TYW1B: variants seen among roughly 807,000 people sequenced by gnomAD.
TYW1B encodes the protein tRNA-yW synthesizing protein 1 homolog B, also known as S-adenosyl-L-methionine-dependent tRNA 4-demethylwyosine synthase TYW1B.
A neutral mutation model predicts 86.9 loss-of-function variants in TYW1B; 73 were observed. That is an observed-to-expected ratio of 0.84 (90% CI 0.70 to 1.02). The LOEUF is 1.02. TYW1B is among the 50% of genes least tolerant of loss of function. TYW1B has a pLI of 0.00. For missense variants in TYW1B, 637 were observed against 827.4 expected (o/e 0.77, Z 2.82); for synonymous variants, 248 against 292.8 (o/e 0.85, Z 1.56).
At chr7:72,720,601 C>T (rs1262722713) in intron 9 of TYW1B, among the ~76,000 whole-genome samples, 1 of 152,034 alleles carries the variant, frequency 6.6e-6, no homozygotes, top group Non-Finnish European at 1.5e-5. Context: ...TGGTTCTCTC[C>T]TTCCTAAGAG....
chr7:72,741,709 T>G (rs1286967403), intron 8 of TYW1B, among the ~76,000 whole-genome samples: 1 of 152,108 alleles, frequency 6.6e-6, no homozygotes, highest in African/African-American at 2.4e-5. Context: ...GCTGGAAGAA[T>G]AAGACAAAGA....
Position 72,575,383 on chromosome 7 carries a change from C to T in TYW1B, c.*115G>A. The T allele has an allele frequency of 1.4e-6, 2 of 1,468,994 alleles. No individual in the cohort carries two copies. Among genetic ancestry groups the T allele is most frequent in the South Asian group, 2.9e-5 (2 of 68,012 alleles). 91.0% of individuals were successfully genotyped at this position (1,468,994 alleles called of 1,614,324 possible). A position where few individuals can be genotyped will look rare whatever the true frequency, so the allele number is the denominator to read the frequency against. On this transcript the variant is annotated 3_prime_UTR_variant, in exon 14 of 14. Coordinates refer to ENST00000620995, the MANE Select transcript of TYW1B (RefSeq NM_001145440.3). ...CTCCATGTTTACTGCCTTATCGTCTCCTTTGTATGAAAGTATAATTTACGT... is the reference window on the plus strand; with the variant it reads ...CTCCATGTTTACTGCCTTATCGTCTTCTTTGTATGAAAGTATAATTTACGT...
At chr7:72,739,730 G>A (rs1340977456) in intron 8 of TYW1B, among the ~76,000 whole-genome samples, 1 of 145,956 alleles carries the variant, frequency 6.9e-6, no homozygotes, top group Non-Finnish European at 1.5e-5. Context: ...CTGGGAAGAA[G>A]AGCTAGGCAC....
At chr7:72,776,619 T>C (rs1334853595) in intron 7 of TYW1B, among the ~76,000 whole-genome samples, 6 of 125,698 alleles carry the variant, frequency 4.8e-5, no homozygotes, top group Non-Finnish European at 8.6e-5. Flanking sequence ...TTAACAAAAA[T>C]GTTATTGCTA....
Position 72,665,083 on chromosome 7 carries a change from G to A in TYW1B, c.1506+29604C>T, listed in dbSNP as rs184938771. On this transcript the variant is annotated intron_variant, in intron 11 of 13. Coordinates refer to ENST00000620995, the MANE Select transcript of TYW1B (RefSeq NM_001145440.3). The stretch of plus-strand genomic sequence containing the variant: ...ACACAGCCTGTGGATACAGAGGGCC[G>A]ACTCTGCTCTGCTAAAAGAACCTAT... Among the ~76,000 whole-genome samples, 350 of 152,262 alleles carry A rather than the reference G, an allele frequency of 2.3e-3. 1 individual carries two copies. The highest frequency in any genetic ancestry group is 7.7e-3 in the African/African-American group (318 of 41,556).
chr7:72,759,151 C>G (rs1377956108), intron 7 of TYW1B, among the ~76,000 whole-genome samples: 9 of 152,054 alleles, frequency 5.9e-5, no homozygotes, highest in African/African-American at 1.9e-4. Flanking sequence ...AGCAACATGG[C>G]GAAACCTCGT....
intron 7 of TYW1B, among the ~76,000 whole-genome samples, chr7:72,758,991 G>A (rs781800392): frequency 2.0e-5 from 3 of 152,082 alleles, no homozygotes; most frequent in African/African-American, 4.8e-5. Context: ...AACTTTCTGA[G>A]ACCAAAATAA....
intron 13 of TYW1B, among the ~76,000 whole-genome samples, chr7:72,591,870 A>T (rs1285418556): frequency 6.6e-6 from 1 of 151,546 alleles, no homozygotes; most frequent in Non-Finnish European, 1.5e-5. Context: ...CCCAGACTAG[A>T]GTGTGTGTAG....
intron 11 of TYW1B, among the ~76,000 whole-genome samples, chr7:72,638,939 C>A (rs1812733569): frequency 6.6e-6 from 1 of 152,070 alleles, no homozygotes; most frequent in Non-Finnish European, 1.5e-5. Context: ...TAAAAGATAC[C>A]AAAAGGACTC....
chr7:72,814,897 T>G (rs1788692012), intron 3 of TYW1B, among the ~76,000 whole-genome samples: 1 of 140,630 alleles, frequency 7.1e-6, no homozygotes, highest in Admixed American at 7.2e-5. Context: ...AAACCTCAAC[T>G]CTAGCAAAAA....
At chr7:72,615,715 C>T (rs1249553919) in intron 13 of TYW1B, among the ~76,000 whole-genome samples, 2 of 151,910 alleles carry the variant, frequency 1.3e-5, no homozygotes, top group Non-Finnish European at 2.9e-5. Flanking sequence ...TTGAAAACTT[C>T]GGCAGGGAAA....
chr7:72,763,090 G>A (rs1341785032), intron 7 of TYW1B, among the ~76,000 whole-genome samples: 1 of 151,486 alleles, frequency 6.6e-6, no homozygotes, highest in Non-Finnish European at 1.5e-5. Flanking sequence ...TTACCTAAAT[G>A]GGTTTCCCAT....
intron 7 of TYW1B, among the ~76,000 whole-genome samples, chr7:72,777,094 C>T (rs1787968669): frequency 6.6e-6 from 1 of 152,156 alleles, no homozygotes; most frequent in Non-Finnish European, 1.5e-5. Flanking sequence ...GATACCTCTA[C>T]ATAAACACTT....
intron 3 of TYW1B, among the ~76,000 whole-genome samples, chr7:72,812,482 A>G (rs1251800289): frequency 6.6e-6 from 1 of 152,146 alleles, no homozygotes; most frequent in Non-Finnish European, 1.5e-5. Context: ...GTTCCAAGTC[A>G]TGAGGTAAGT....
intron 13 of TYW1B, among the ~76,000 whole-genome samples, chr7:72,612,520 C>G (rs1277229528): frequency 2.0e-5 from 3 of 152,036 alleles, no homozygotes; most frequent in Non-Finnish European, 2.9e-5. Flanking sequence ...CTTAAGGTAC[C>G]TTTTCATAGA....
At chr7:72,738,531 C>T (rs1787241087) in intron 8 of TYW1B, among the ~76,000 whole-genome samples, 2 of 152,140 alleles carry the variant, frequency 1.3e-5, no homozygotes, top group South Asian at 4.1e-4. Flanking sequence ...CTGTCCTATG[C>T]ATTAGGGAAT....
chr7:72,687,136 T>C (rs1452102473), intron 11 of TYW1B, among the ~76,000 whole-genome samples: 1 of 152,010 alleles, frequency 6.6e-6, no homozygotes, highest in Non-Finnish European at 1.5e-5. Flanking sequence ...ATATTAAGAG[T>C]TTAAACTGGC....
intron 10 of TYW1B, among the ~76,000 whole-genome samples, chr7:72,711,059 C>T (rs1786650809): frequency 6.6e-6 from 1 of 152,106 alleles, no homozygotes; most frequent in Non-Finnish European, 1.5e-5. Flanking sequence ...CAGTAAAACA[C>T]AGATAAGACC....
chr7:72,623,381 G>C (rs1232230913), intron 12 of TYW1B, among the ~76,000 whole-genome samples: 1 of 152,080 alleles, frequency 6.6e-6, no homozygotes, highest in Non-Finnish European at 1.5e-5. Context: ...TGACCTTGAG[G>C]TACCATAATA....
Sources: gnomAD v4.1 joint callset for allele counts (sites outside exome capture counted in the v4.1 genomes callset) on GRCh38, gnomAD v4.1.1 for gene constraint, MANE v1.5 for transcripts, NCBI Gene and HGNC (gene_info 2026-07-23, HGNC 2026-07-21) for gene names.